The following ATXN10 variants were observed in gnomAD, a reference collection of about 807,000 sequenced individuals.
ATXN10 encodes ataxin 10.
ATXN10 carries 28 observed loss-of-function variants against 52.9 expected under a neutral mutation model. That is an observed-to-expected ratio of 0.53 (90% CI 0.39 to 0.73). The LOEUF (loss-of-function observed/expected upper bound fraction) is 0.73, where lower values mean the gene tolerates loss of function less well. ATXN10 is among the 30% of genes least tolerant of loss of function. ATXN10 has a pLI of 0.00. For missense variants in ATXN10, 565 were observed against 577.0 expected, an observed-to-expected ratio of 0.98 and a Z score of 0.21; for synonymous variants, 226 against 221.5, an observed-to-expected ratio of 1.02 and a Z score of -0.18.
rs1319815195 is a variant in ATXN10 at position 45,840,427 on chromosome 22, A to T, written c.1238-2564A>T. ...CTAAGACAGGGAAGGCTTCCGGGAG[A>T]CTGTGATACTTGCTGAGTCTCGAAG... On this transcript the variant is annotated intron_variant, in intron 10 of 11. Coordinates refer to ENST00000252934, the MANE Select transcript of ATXN10 (RefSeq NM_013236.4). The surrounding 1 kb of genome is among the most constrained non-coding windows in gnomAD (Gnocchi z 5.8). Among the ~76,000 whole-genome samples, 1 of 152,134 alleles carries T rather than the reference A, an allele frequency of 6.6e-6. No individual in the cohort carries two copies. Among genetic ancestry groups the T allele is most frequent in the Non-Finnish European group, 1.5e-5 (1 of 68,024 alleles).
At chr22:45,735,892 G>A (rs994089104) in intron 7 of ATXN10, among the ~76,000 whole-genome samples, 7 of 148,500 alleles carry the variant, frequency 4.7e-5, no homozygotes, top group Non-Finnish European at 1.0e-4. Flanking sequence ...ATATCTGGAA[G>A]GGCATTTTAC....
chr22:45,688,592 C>T lies in ATXN10; in HGVS notation c.117-1120C>T, dbSNP rs8141087. Among the ~76,000 whole-genome samples, 236 of 152,286 alleles carry T rather than the reference C, an allele frequency of 1.5e-3. 1 individual carries two copies. The highest frequency in any genetic ancestry group is 2.7e-3 in the Non-Finnish European group (184 of 68,014). On this transcript the variant is annotated intron_variant, in intron 1 of 11. Coordinates refer to ENST00000252934, the MANE Select transcript of ATXN10 (RefSeq NM_013236.4). This position sits in a 1 kb window ranked among gnomAD's most constrained non-coding sequence, Gnocchi z 4.0. ...TTCAAGGAAAGACGTGTTTCCTCTG[C>T]CCCCGGAAAAGGGGCTTCCATAGGT...
chr22:45,698,416 G>A (rs915879584), intron 3 of ATXN10, among the ~76,000 whole-genome samples: 14 of 152,104 alleles, frequency 9.2e-5, no homozygotes, highest in Admixed American at 9.2e-4. Flanking sequence ...ATCTTCTTTG[G>A]AGAAATGTCT....
At chr22:45,815,079 GAA>G (rs962209837) in intron 10 of ATXN10, among the ~76,000 whole-genome samples, 2 of 152,200 alleles carry the variant, frequency 1.3e-5, no homozygotes, top group African/African-American at 2.4e-5. Flanking sequence ...CCCCAAAGTA[GAA>G]ATAACCCAGA....
rs144265189 is a variant in ATXN10, at chr22:45,702,707, G to T, written c.507G>T (p.Pro169=). 3.1e-6 allele frequency: 5 copies of T among 1,613,588 alleles called. No individual in the cohort carries two copies. Among genetic ancestry groups the T allele is most frequent in the Non-Finnish European group, 4.2e-6 (5 of 1,179,886 alleles). The change falls in exon 5 of 12, where the codon CCG becomes CCT. Residue 169 remains proline (P), a synonymous_variant. Coordinates refer to ENST00000252934, the MANE Select transcript of ATXN10 (RefSeq NM_013236.4). The part of the protein sequence containing the change: ...PELFLSCLNH[P]DKKIVAYSSM... ...TTGGAAGGTCTTGCTTAAATCATCC[G>T]GACAAAAAAATTGTTGCCTACTCTT...
chr22:45,719,674 T>C (rs1263608189), intron 6 of ATXN10, among the ~76,000 whole-genome samples: 1 of 152,208 alleles, frequency 6.6e-6, no homozygotes, highest in Non-Finnish European at 1.5e-5. Context: ...TTTTAAATGG[T>C]TTATTACATA....
chr22:45,683,259 C>A lies in ATXN10; in HGVS notation c.117-6453C>A, dbSNP rs570344561. On this transcript the variant is annotated intron_variant, in intron 1 of 11. Coordinates refer to ENST00000252934, the MANE Select transcript of ATXN10 (RefSeq NM_013236.4). The surrounding 1 kb of genome is among the most constrained non-coding windows in gnomAD (Gnocchi z 4.8). ...GCTTGAACTTGGGAGGCGGGGGTTG[C>A]AGTGAGCTGAGATCCTGCCTCTGCA... 9.8e-5 allele frequency among the ~76,000 whole-genome samples: 15 copies of A among 152,302 alleles called. No individual in the cohort carries two copies. Among genetic ancestry groups the A allele is most frequent in the African/African-American group, 3.6e-4 (15 of 41,572 alleles).
Position 45,843,214 on chromosome 22 carries a change from T to C in ATXN10, c.1425+36T>C. ...TCGAGGGAACTGTCCTTCCCTTTGG[T>C]TTGTAGAAAGCTGTTTCCACTTCCC... On this transcript the variant is annotated intron_variant, in intron 11 of 11. Coordinates refer to ENST00000252934, the MANE Select transcript of ATXN10 (RefSeq NM_013236.4). The surrounding 1 kb of genome is among the most constrained non-coding windows in gnomAD (Gnocchi z 4.5). 6.2e-7 allele frequency: 1 copy of C among 1,609,088 alleles called. No homozygotes were observed. The highest frequency in any genetic ancestry group is 8.5e-7 in the Non-Finnish European group (1 of 1,175,884).
chr22:45,766,615 A>C lies in ATXN10; in HGVS notation c.1173+26077A>C, dbSNP rs561608821. On this transcript the variant is annotated intron_variant, in intron 9 of 11. Transcript: ENST00000252934. The surrounding 1 kb of genome is among the most constrained non-coding windows in gnomAD (Gnocchi z 4.6). The stretch of plus-strand genomic sequence containing the variant: ...CATGCAAGTATTAGGAGAAAACATG[A>C]ATGAGTTCCGTTATATAACCTCCGA... 6.6e-6 allele frequency among the ~76,000 whole-genome samples: 1 copy of C among 152,354 alleles called. No homozygotes were observed. Among genetic ancestry groups the C allele is most frequent in the East Asian group, 1.9e-4 (1 of 5,190 alleles).
chr22:45,705,105 A>G lies in ATXN10; in HGVS notation c.647+2258A>G, dbSNP rs73441162. ...TTTAAATCAACTTTGGATTCCTGAG[A>G]TAAATCCTACTTGTTCATAGTGTAT... On this transcript the variant is annotated intron_variant, in intron 5 of 11. Transcript: ENST00000252934. This position sits in a 1 kb window ranked among gnomAD's most constrained non-coding sequence, Gnocchi z 5.2. Among the ~76,000 whole-genome samples the G allele has an allele frequency of 0.013, 2,048 of 152,334 alleles. 50 individuals are homozygous for G. Among genetic ancestry groups the G allele is most frequent in the African/African-American group, 0.047 (1,959 of 41,572 alleles).
chr22:45,798,006 A>G (rs1927804369), intron 9 of ATXN10, among the ~76,000 whole-genome samples: 1 of 152,242 alleles, frequency 6.6e-6, no homozygotes, highest in Non-Finnish European at 1.5e-5. Flanking sequence ...TAAAGGATAA[A>G]TATTTTTAAA....
rs143524027 is a variant in ATXN10, at chr22:45,678,046, G to A, written c.116+5867G>A. ...ACAGACAAACTTGTAGAGACAGAAA[G>A]TAGATTAGAGGTTACTAGGATTTGG... On this transcript the variant is annotated intron_variant, in intron 1 of 11. Coordinates refer to ENST00000252934, the MANE Select transcript of ATXN10 (RefSeq NM_013236.4). This position sits in a 1 kb window ranked among gnomAD's most constrained non-coding sequence, Gnocchi z 4.1. The A allele has an allele frequency of 9.2e-5, 14 of 152,274 alleles. No individual in the cohort carries two copies. Among genetic ancestry groups the A allele is most frequent in the African/African-American group, 2.9e-4 (12 of 41,556 alleles). The allele number at this position is 152,274 out of a possible 1,614,324, so 9.4% of individuals were successfully genotyped here.
At chr22:45,804,590 C>T (rs1030104212) in intron 9 of ATXN10, among the ~76,000 whole-genome samples, 8 of 152,172 alleles carry the variant, frequency 5.3e-5, no homozygotes, top group Admixed American at 2.6e-4. Flanking sequence ...CACTTCTATG[C>T]GGTTCTGTAT....
intron 1 of ATXN10, among the ~76,000 whole-genome samples, chr22:45,680,398 C>T (rs963482866): frequency 1.3e-5 from 2 of 152,114 alleles, no homozygotes; most frequent in Non-Finnish European, 2.9e-5. Context: ...TCAATACCTC[C>T]CAAATTGACC....
In ATXN10 at chr22:45,844,654, A is replaced by G. The variant is rs1929452366; in HGVS notation, c.*983A>G. The G allele has an allele frequency of 6.6e-6, 1 of 152,216 alleles. No homozygotes were observed. The highest frequency in any genetic ancestry group is 1.5e-5 in the Non-Finnish European group (1 of 68,038). 9.4% of individuals were successfully genotyped at this position (152,216 alleles called of 1,614,324 possible). On this transcript the variant is annotated 3_prime_UTR_variant, in exon 12 of 12. Coordinates refer to ENST00000252934, the MANE Select transcript of ATXN10 (RefSeq NM_013236.4). ...AATGACCACTGAACTCACTGAATCC[A>G]GATCATTCATATCATCAACAAAAGC... is the stretch of plus-strand genomic sequence containing the variant.
At position 45,750,774 on chromosome 22, in the gene ATXN10, G is replaced by A. The variant is rs1395089913; in HGVS notation, c.1173+10236G>A. ...CAAACAGACCCAGGAGAAGTTATAC[G>A]AATTTACCATGTGATAAGGATAATC... On this transcript the variant is annotated intron_variant, in intron 9 of 11. Coordinates refer to ENST00000252934, the MANE Select transcript of ATXN10 (RefSeq NM_013236.4). This position sits in a 1 kb window ranked among gnomAD's most constrained non-coding sequence, Gnocchi z 4.2. 4.6e-5 allele frequency among the ~76,000 whole-genome samples: 7 copies of A among 152,132 alleles called. No individual in the cohort carries two copies. The highest frequency in any genetic ancestry group is 3.9e-4 in the Admixed American group (6 of 15,284).
intron 9 of ATXN10, among the ~76,000 whole-genome samples, chr22:45,756,257 A>C (rs1926171353): frequency 6.6e-6 from 1 of 152,028 alleles, no homozygotes; most frequent in Non-Finnish European, 1.5e-5. Flanking sequence ...GGATCCTCCC[A>C]CCTCAATCTC....
intron 10 of ATXN10, among the ~76,000 whole-genome samples, chr22:45,836,914 C>T (rs1929185408): frequency 6.6e-6 from 1 of 152,102 alleles, no homozygotes; most frequent in Admixed American, 6.5e-5. Flanking sequence ...TTTGTAGAAG[C>T]CTGGGTGGAG....
chr22:45,696,372 G>T lies in ATXN10; in HGVS notation c.391+3294G>T, dbSNP rs148099229. Among the ~76,000 whole-genome samples the T allele has an allele frequency of 9.8e-5, 15 of 152,312 alleles. No individual in the cohort carries two copies. Among genetic ancestry groups the T allele is most frequent in the Middle Eastern group, 3.4e-3 (1 of 294 alleles). On this transcript the variant is annotated intron_variant, in intron 3 of 11. Transcript: ENST00000252934. The surrounding 1 kb of genome is among the most constrained non-coding windows in gnomAD (Gnocchi z 4.7). ...ATTGGTGATCCTGATGGGGCGGGCAGTGTGGCGCTCCAGAGCTGCTGTGCT... is the reference window on the plus strand; with the variant it reads ...ATTGGTGATCCTGATGGGGCGGGCATTGTGGCGCTCCAGAGCTGCTGTGCT...
Sources: allele counts gnomAD v4.1 joint callset (sites outside exome capture counted in the v4.1 genomes callset), GRCh38; gene constraint gnomAD v4.1.1; non-coding constraint Gnocchi (gnomAD v3.1); transcripts MANE v1.5; gene names NCBI Gene and HGNC (gene_info 2026-07-23, HGNC 2026-07-21).